Variants in ASB5 observed in about 807,000 individuals in gnomAD.
The protein encoded by ASB5 is ankyrin repeat and SOCS box containing 5.
A neutral mutation model predicts 42.1 loss-of-function variants in ASB5; 45 were observed. The observed-to-expected ratio is 1.07, with a 90% CI of 0.84 to 1.37. The LOEUF (loss-of-function observed/expected upper bound fraction) is 1.37. Ranked by LOEUF, ASB5 falls within the 40% of genes most tolerant of loss-of-function variation. The pLI, the probability that ASB5 is intolerant of heterozygous loss-of-function variation, is 0.00. For synonymous variants in ASB5, 147 were observed against 150.6 expected, an observed-to-expected ratio of 0.98 and a Z score of 0.18; for missense variants, 402 against 399.8, an observed-to-expected ratio of 1.01 and a Z score of -0.05.
intron 5 of ASB5, among the ~76,000 whole-genome samples, chr4:176,219,686 C>T (rs536785567): frequency 6.9e-6 from 1 of 143,988 alleles, no homozygotes; most frequent in East Asian, 2.1e-4. Context: ...GTTGCCTCAG[C>T]CTCTCGAGCA....
At chr4:176,237,206 C>A (rs1295480092) in intron 1 of ASB5, 5 of 875,962 alleles carry the variant, frequency 5.7e-6, no homozygotes, top group African/African-American at 1.8e-5. Context: ...CTGGAAAGCA[C>A]CCGCAGTTTA....
At chr4:176,253,037 G>A (rs1237016449) in intron 1 of ASB5, among the ~76,000 whole-genome samples, 1 of 152,124 alleles carries the variant, frequency 6.6e-6, no homozygotes, top group Non-Finnish European at 1.5e-5. Context: ...TCAAAGCCTA[G>A]GAAAAGAAAA....
chr4:176,219,222 T>C (rs1480424012), intron 5 of ASB5, among the ~76,000 whole-genome samples: 1 of 116,706 alleles, frequency 8.6e-6, no homozygotes, highest in Non-Finnish European at 1.6e-5. Flanking sequence ...GATAAATATA[T>C]ATATTTGTAT....
intron 1 of ASB5, among the ~76,000 whole-genome samples, chr4:176,260,666 G>C (rs4690676): frequency 0.3 from 45,032 of 151,982 alleles, 6,855 homozygotes; most frequent in Middle Eastern, 0.34. Context: ...TGTTGCTGTT[G>C]TTTGTTTTTG....
chr4:176,257,773 G>A (rs570988446), intron 1 of ASB5, among the ~76,000 whole-genome samples: 94 of 152,254 alleles, frequency 6.2e-4, no homozygotes, highest in African/African-American at 2.1e-3. Context: ...GTGTTTATTC[G>A]GTGAGAAAGA....
chr4:176,268,275 T>C (rs1754396333), intron 1 of ASB5, among the ~76,000 whole-genome samples: 1 of 152,202 alleles, frequency 6.6e-6, no homozygotes, highest in South Asian at 2.1e-4. Context: ...ATGGATGCAC[T>C]TGGCTGCACA....
rs202102103 is a variant in ASB5, at chr4:176,215,630, C to T, written c.960G>A (p.Thr320=). ...LHLIPQLQLP[T]LLKNFLQYR ...GATACTGTAAGAAATTCTTCAGTAA[C>T]GTTGGCAGCTGGAGTTGTGGGATAA... Residue 320 remains threonine (T), a synonymous_variant, in exon 7 of 7, where the codon ACG becomes ACA. Transcript: ENST00000296525. 195 of 1,612,710 alleles carry T rather than the reference C, an allele frequency of 1.2e-4. No individual in the cohort carries two copies. Among genetic ancestry groups the T allele is most frequent in the Non-Finnish European group, 1.5e-4 (181 of 1,179,286 alleles).
chr4:176,234,309 C>CCT (rs1753628771), intron 1 of ASB5, among the ~76,000 whole-genome samples: 1 of 152,210 alleles, frequency 6.6e-6, no homozygotes, highest in Admixed American at 6.5e-5. Context: ...GGCCCATCAT[C>CCT]CTCATCCAGA....
At chr4:176,268,538 G>C (rs1454145652) in intron 1 of ASB5, among the ~76,000 whole-genome samples, 1 of 152,052 alleles carries the variant, frequency 6.6e-6, no homozygotes, top group African/African-American at 2.4e-5. Context: ...GTACACATTA[G>C]AGGACGACTG....
intron 1 of ASB5, among the ~76,000 whole-genome samples, chr4:176,236,727 A>G (rs1753693941): frequency 6.6e-6 from 1 of 152,156 alleles, no homozygotes; most frequent in African/African-American, 2.4e-5. Context: ...CGACCCTTAA[A>G]TTTATCATCT....
chr4:176,257,813 A>C (rs1401008095), intron 1 of ASB5, among the ~76,000 whole-genome samples: 2 of 152,190 alleles, frequency 1.3e-5, no homozygotes, highest in Non-Finnish European at 2.9e-5. Context: ...TCTGGGTTGG[A>C]ATTCTGCTTC....
At chr4:176,220,025 G>A (rs756822308) in intron 5 of ASB5, among the ~76,000 whole-genome samples, 3 of 152,142 alleles carry the variant, frequency 2.0e-5, no homozygotes, top group Non-Finnish European at 4.4e-5. Context: ...TAGCTGATGA[G>A]CTAAAACAAA....
At chr4:176,237,320 GC>G in intron 1 of ASB5, 2 of 985,860 alleles carry the variant, frequency 2.0e-6, no homozygotes, top group African/African-American at 3.5e-5. Flanking sequence ...ACCCCAGCTA[GC>G]TTTTCGTTTA....
chr4:176,218,393 T>C (rs1431645669), intron 5 of ASB5, among the ~76,000 whole-genome samples: 1 of 124,386 alleles, frequency 8.0e-6, no homozygotes, highest in Admixed American at 9.0e-5. Context: ...GATATATAAA[T>C]ATATATTTGT....
intron 1 of ASB5, among the ~76,000 whole-genome samples, chr4:176,268,174 C>A (rs1754394478): frequency 6.6e-6 from 1 of 152,092 alleles, no homozygotes; most frequent in Non-Finnish European, 1.5e-5. Flanking sequence ...AGTACCGACC[C>A]AATAGAACCT....
At position 176,268,893 on chromosome 4, in the gene ASB5, G is replaced by C. The variant is rs750371326; in HGVS notation, c.196+20C>G. 17 of 1,539,890 alleles carry C rather than the reference G, an allele frequency of 1.1e-5. No homozygotes were observed. Among genetic ancestry groups the C allele is most frequent in the Non-Finnish European group, 1.5e-5 (17 of 1,140,540 alleles). ...AAGTTAAACTCCACTTGAAACAAGA[G>C]AGGATTATCATAAACATACCTTGTC... On this transcript the variant is annotated intron_variant, in intron 1 of 6. Coordinates refer to ENST00000296525, the MANE Select transcript of ASB5 (RefSeq NM_080874.4).
chr4:176,215,426 A>G lies in ASB5; in HGVS notation c.*174T>C, dbSNP rs1208776483. The G allele has an allele frequency of 9.9e-6, 5 of 506,438 alleles. No homozygotes were observed. In the East Asian group the frequency reaches 1.4e-4, roughly 14 times the overall value. 31.4% of individuals were successfully genotyped at this position (506,438 alleles called of 1,614,324 possible). A position where few individuals can be genotyped will look rare whatever the true frequency, so the allele number is the denominator to read the frequency against. Reference sequence around the variant, plus strand: ...ATGCTATAATCCAAAGACAGCATAAATGATAAAACAATAGTACTAATACAC... The same window carrying G: ...ATGCTATAATCCAAAGACAGCATAAGTGATAAAACAATAGTACTAATACAC... On this transcript the variant is annotated 3_prime_UTR_variant, in exon 7 of 7. Transcript: ENST00000296525.
chr4:176,244,484 A>T (rs1238279701), intron 1 of ASB5, among the ~76,000 whole-genome samples: 2 of 152,216 alleles, frequency 1.3e-5, no homozygotes, highest in African/African-American at 4.8e-5. Context: ...ACAGCTGTTT[A>T]AAAACACGAT....
intron 1 of ASB5, among the ~76,000 whole-genome samples, chr4:176,255,621 T>C (rs746894868): frequency 4.6e-5 from 7 of 152,230 alleles, no homozygotes; most frequent in African/African-American, 1.2e-4. Context: ...GAAAACTAAA[T>C]GCTGCGTGTT....
Sources: gnomAD v4.1 joint callset for allele counts (sites outside exome capture counted in the v4.1 genomes callset) on GRCh38, gnomAD v4.1.1 for gene constraint, MANE v1.5 for transcripts, NCBI Gene and HGNC (gene_info 2026-07-23, HGNC 2026-07-21) for gene names.